The following SESTD1 variants were observed in gnomAD, a reference collection of about 807,000 sequenced individuals.
The protein encoded by SESTD1 is SEC14 and spectrin domain containing 1.
Under a neutral mutation model 101.7 loss-of-function variants are expected in SESTD1, and 43 were observed. The observed-to-expected ratio is 0.42, with a 90% CI of 0.33 to 0.55. The LOEUF (loss-of-function observed/expected upper bound fraction) is 0.55. SESTD1 is among the 20% of genes least tolerant of loss of function. The pLI, the probability that SESTD1 is intolerant of heterozygous loss-of-function variation, is 0.07. For missense variants in SESTD1, 647 were observed against 815.1 expected, an observed-to-expected ratio of 0.79 and a Z score of 2.51; for synonymous variants, 283 against 286.8, an observed-to-expected ratio of 0.99 and a Z score of 0.13.
chr2:179,143,462 A>T, intron 9 of SESTD1, 130 bp downstream of exon 9: 1 of 671,486 alleles, frequency 1.5e-6, no homozygotes, highest in African/African-American at 1.8e-5. Flanking sequence ...ACATAATTTA[A>T]AAGTTTTAGA....
At chr2:179,113,466 TCACTC>T (rs1277426215) in intron 16 of SESTD1, among the ~76,000 whole-genome samples, 1 of 152,176 alleles carries the variant, frequency 6.6e-6, no homozygotes, top group African/African-American at 2.4e-5. Context: ...ATACTGTTCT[TCACTC>T]CACCCTAACC....
chr2:179,123,652 C>T, intron 12 of SESTD1, 63 bp downstream of exon 12: 1 of 1,064,366 alleles, frequency 9.4e-7, no homozygotes, highest in Non-Finnish European at 1.4e-6. Context: ...AATTGTCTAA[C>T]CATGGTAATG....
In SESTD1 at chr2:179,185,097, T is replaced by C. The variant is rs369343974; in HGVS notation, c.56-1909A>G. 4.3e-3 allele frequency among the ~76,000 whole-genome samples: 658 copies of C among 151,942 alleles called. 8 individuals carry two copies. Among genetic ancestry groups the C allele is most frequent in the African/African-American group, 0.015 (625 of 41,454 alleles). ...GAACACAGGCATTTTCACACACCAT[T>C]GGAAAAAATAGGAATTGAAACAATC... On this transcript the variant is annotated intron_variant, in intron 2 of 17. Transcript: ENST00000428443.
intron 5 of SESTD1, among the ~76,000 whole-genome samples, chr2:179,170,580 A>T (rs1383158796): frequency 4.6e-5 from 7 of 152,082 alleles, no homozygotes; most frequent in Admixed American, 2.0e-4. Flanking sequence ...TCGACACAAG[A>T]GTTACAAGAT....
intron 1 of SESTD1, among the ~76,000 whole-genome samples, chr2:179,240,970 C>CAA (rs1208040293): frequency 6.7e-6 from 1 of 149,062 alleles, no homozygotes; most frequent in South Asian, 2.1e-4. Flanking sequence ...ATGTTTAAAA[C>CAA]AAAAAAAAAG....
intron 1 of SESTD1, among the ~76,000 whole-genome samples, chr2:179,229,714 T>C (rs1292568175): frequency 6.8e-6 from 1 of 146,368 alleles, no homozygotes; most frequent in Admixed American, 6.9e-5. Context: ...GTAAGGTTCT[T>C]ATATACATAA....
In SESTD1 at chr2:179,264,487, G is replaced by T. The variant is rs2047531028; in HGVS notation, c.-26+12C>A. The T allele has an allele frequency of 6.6e-6, 1 of 150,666 alleles. No homozygotes were observed. The highest frequency in any genetic ancestry group is 2.4e-5 in the African/African-American group (1 of 41,202). 9.3% of individuals were successfully genotyped at this position (150,666 alleles called of 1,614,324 possible). A position where few individuals can be genotyped will look rare whatever the true frequency, so the allele number is the denominator to read the frequency against. The stretch of plus-strand genomic sequence containing the variant: ...GCTTCTCCCGCCCGGGCCGAGCGGC[G>T]GCCACACTCACCTGGCTGGCGCTGA... On this transcript the variant is annotated intron_variant, in intron 1 of 17. Transcript: ENST00000428443.
At chr2:179,158,833 G>A (rs1338873378) in intron 5 of SESTD1, among the ~76,000 whole-genome samples, 21 of 152,068 alleles carry the variant, frequency 1.4e-4, no homozygotes, top group Admixed American at 1.3e-3. Flanking sequence ...CAACACCAAA[G>A]GTATCTCAAA....
At chr2:179,200,324 A>G (rs2046486277) in intron 1 of SESTD1, among the ~76,000 whole-genome samples, 1 of 152,180 alleles carries the variant, frequency 6.6e-6, no homozygotes, top group Admixed American at 6.5e-5. Context: ...AAGAATCAAT[A>G]TCGTGAAAAT....
chr2:179,248,382 C>A (rs990456935), intron 1 of SESTD1, among the ~76,000 whole-genome samples: 31 of 152,238 alleles, frequency 2.0e-4, no homozygotes, highest in African/African-American at 7.5e-4. Flanking sequence ...ACACCAGATA[C>A]AGAAGAGGAG....
rs1245180597 is a variant in SESTD1, at chr2:179,191,884, C to T, written c.-25-18G>A. ...CCTTAATTCTGAAAACACAGAAAGTCAAATGTCAACTACAAGACAACAATT... is the reference window on the plus strand; with the variant it reads ...CCTTAATTCTGAAAACACAGAAAGTTAAATGTCAACTACAAGACAACAATT... On this transcript the variant is annotated intron_variant, in intron 1 of 17. Coordinates refer to ENST00000428443, the MANE Select transcript of SESTD1 (RefSeq NM_178123.5). 2.0e-6 allele frequency: 3 copies of T among 1,473,442 alleles called. No individual in the cohort carries two copies. The South Asian group carries it at 3.5e-5, about 17-fold the overall frequency. 91.3% of individuals were successfully genotyped at this position (1,473,442 alleles called of 1,614,324 possible).
At chr2:179,122,013 T>C in intron 12 of SESTD1, 84 bp from the exon 13 acceptor site, 1 of 1,367,062 alleles carries the variant, frequency 7.3e-7, no homozygotes, top group East Asian at 2.5e-5. Context: ...TCAGATATTG[T>C]ACCTGGATCC....
intron 3 of SESTD1, among the ~76,000 whole-genome samples, chr2:179,179,886 A>G (rs1275783987): frequency 1.3e-5 from 2 of 152,146 alleles, no homozygotes; most frequent in Non-Finnish European, 2.9e-5. Flanking sequence ...TGTTCCCAGA[A>G]CATGTTAAAC....
In SESTD1 at chr2:179,117,542, T is replaced by G; in HGVS notation, c.1514A>C (p.Asp505Ala). 1.3e-6 allele frequency: 2 copies of G among 1,575,350 alleles called. No individual in the cohort carries two copies. Among genetic ancestry groups the G allele is most frequent in the Non-Finnish European group, 1.7e-6 (2 of 1,166,466 alleles). Residue 505 changes from aspartate (D) to alanine (A), a missense_variant, in exon 14 of 18, where the codon GAT becomes GCT. Asp to Ala is a moderately radical substitution (Grantham distance 126). Around this residue, in one of 3 missense-constraint regions of SESTD1, gnomAD observed 476 missense variants for 562.6 expected, o/e 0.85. Coordinates refer to ENST00000428443, the MANE Select transcript of SESTD1 (RefSeq NM_178123.5). ...QMVQLFKCEE[D>A]AAQAVEWLSE... is the part of the protein sequence containing the mutation. The stretch of plus-strand genomic sequence containing the variant: ...CTGACTGCTCCTTACCTGGGCAGCA[T>G]CTTCTTCACATTTAAACAACTGCAC...
chr2:179,117,500 T>G, intron 14 of SESTD1, 32 bp downstream of exon 14: 1 of 1,522,572 alleles, frequency 6.6e-7, no homozygotes, highest in South Asian at 1.3e-5. Flanking sequence ...CTAAGAAAAG[T>G]TAACTACATA....
chr2:179,233,827 GGCATGTGT>G (rs1474146524), intron 1 of SESTD1, among the ~76,000 whole-genome samples: 2 of 152,104 alleles, frequency 1.3e-5, no homozygotes, highest in Admixed American at 1.3e-4. Context: ...CACATGGCCT[GGCATGTGT>G]GCATGTGTGT....
At chr2:179,118,641 G>T (rs1219411554) in intron 13 of SESTD1, among the ~76,000 whole-genome samples, 1 of 152,162 alleles carries the variant, frequency 6.6e-6, no homozygotes, top group Non-Finnish European at 1.5e-5. Context: ...ACAATGGACT[G>T]AAGGGAAGTG....
chr2:179,234,519 T>A (rs1025590783), intron 1 of SESTD1, among the ~76,000 whole-genome samples: 1 of 152,216 alleles, frequency 6.6e-6, no homozygotes, highest in Non-Finnish European at 1.5e-5. Flanking sequence ...GGCTCACACC[T>A]GCAATCCCAG....
Position 179,112,743 on chromosome 2 carries a change from G to T in SESTD1, c.1942C>A (p.Pro648Thr), listed in dbSNP as rs1370995274. Reference protein sequence around the residue: ...GKSLLDRLTVPVVYPDGTEQY... With the variant: ...GKSLLDRLTVTVVYPDGTEQY... ...CCATACCCATCAGGATAAACTACTG[G>T]AACAGTTAATCTATCCAAAAGTGAT... Residue 648 changes from proline (P) to threonine (T), a missense_variant, in exon 17 of 18, where the codon CCA (proline) becomes ACA (threonine). Coordinates refer to ENST00000428443, the MANE Select transcript of SESTD1 (RefSeq NM_178123.5). 6.2e-7 allele frequency: 1 copy of T among 1,612,284 alleles called. No homozygotes were observed. Among genetic ancestry groups the T allele is most frequent in the African/African-American group, 1.3e-5 (1 of 74,962 alleles).
Sources: allele counts gnomAD v4.1 joint callset (sites outside exome capture counted in the v4.1 genomes callset), GRCh38; gene constraint gnomAD v4.1.1; regional missense constraint gnomAD v4.1.1; transcripts MANE v1.5; gene names NCBI Gene and HGNC (gene_info 2026-07-23, HGNC 2026-07-21).